LRRC3B: variants seen among roughly 807,000 people sequenced by gnomAD.
LRRC3B encodes leucine rich repeat containing 3B.
In LRRC3B, 2 loss-of-function variants were observed where a neutral mutation model predicts 12.8. The observed-to-expected ratio is 0.16, with a 90% confidence interval of 0.06 to 0.49. LRRC3B has a LOEUF of 0.49. Ranked by LOEUF, LRRC3B falls within the 20% of genes least tolerant of loss-of-function variation. The probability of loss-of-function intolerance (pLI) is 0.96; values close to 1 mark genes in which losing one functional copy is unlikely to be tolerated. For missense variants in LRRC3B, 189 were observed against 319.4 expected (o/e 0.59, Z 3.11); for synonymous variants, 132 against 122.0 (o/e 1.08, Z -0.54).
chr3:26,640,961 A>T (rs189362817), intron 1 of LRRC3B, among the ~76,000 whole-genome samples: 213 of 152,330 alleles, frequency 1.4e-3, no homozygotes, highest in Non-Finnish European at 2.6e-3. Flanking sequence ...CTTATGAATG[A>T]CATAGAATAA....
intron 1 of LRRC3B, among the ~76,000 whole-genome samples, chr3:26,651,526 T>C (rs1016058423): frequency 6.6e-6 from 1 of 152,224 alleles, no homozygotes; most frequent in East Asian, 1.9e-4. Context: ...GAAAATTTAC[T>C]TTATCAATGC....
chr3:26,661,540 C>T (rs914249859), intron 1 of LRRC3B, among the ~76,000 whole-genome samples: 2 of 151,966 alleles, frequency 1.3e-5, no homozygotes, highest in Non-Finnish European at 2.9e-5. Context: ...AAAATGTTTC[C>T]AAGCATTATT....
chr3:26,628,578 C>T (rs1029637484), intron 1 of LRRC3B, among the ~76,000 whole-genome samples: 4 of 151,736 alleles, frequency 2.6e-5, no homozygotes, highest in Admixed American at 6.6e-5. Flanking sequence ...AAGATTGTGA[C>T]TTTGATGAAC....
intron 1 of LRRC3B, among the ~76,000 whole-genome samples, chr3:26,685,903 T>G (rs1475286484): frequency 6.6e-6 from 1 of 152,020 alleles, no homozygotes; most frequent in Non-Finnish European, 1.5e-5. Context: ...TTATGACATC[T>G]TTTTCTGGTG....
chr3:26,657,389 A>G (rs1699393576), intron 1 of LRRC3B, among the ~76,000 whole-genome samples: 1 of 152,192 alleles, frequency 6.6e-6, no homozygotes, highest in South Asian at 2.1e-4. Context: ...AATTATATTC[A>G]ATTTCAAAAT....
chr3:26,638,391 A>C (rs1698947857), intron 1 of LRRC3B, among the ~76,000 whole-genome samples: 1 of 152,128 alleles, frequency 6.6e-6, no homozygotes, highest in Admixed American at 6.5e-5. Flanking sequence ...GAAATGCCAA[A>C]TTTCAATTAA....
intron 1 of LRRC3B, among the ~76,000 whole-genome samples, chr3:26,653,028 T>A (rs1196701261): frequency 6.6e-6 from 1 of 151,308 alleles, no homozygotes; most frequent in East Asian, 1.9e-4. Context: ...GGGATGGAGA[T>A]GACAGTGCCC....
intron 1 of LRRC3B, among the ~76,000 whole-genome samples, chr3:26,638,118 A>G (rs1332826570): frequency 6.6e-6 from 1 of 152,206 alleles, no homozygotes; most frequent in Non-Finnish European, 1.5e-5. Context: ...ATGTCTAAAT[A>G]TCTAGGGTGG....
intron 1 of LRRC3B, among the ~76,000 whole-genome samples, chr3:26,650,539 CAG>C (rs1331295345): frequency 1.3e-5 from 2 of 152,132 alleles, no homozygotes; most frequent in Admixed American, 1.3e-4. Context: ...TAAGCAAGTA[CAG>C]AGAGAATTTG....
At chr3:26,689,436 G>A (rs1276351260) in intron 1 of LRRC3B, among the ~76,000 whole-genome samples, 1 of 152,188 alleles carries the variant, frequency 6.6e-6, no homozygotes, top group East Asian at 1.9e-4. Context: ...CCTTCTGACA[G>A]TGGCCATCCC....
intron 1 of LRRC3B, among the ~76,000 whole-genome samples, chr3:26,705,365 AC>A (rs1158590985): frequency 6.6e-6 from 1 of 151,752 alleles, no homozygotes; most frequent in Non-Finnish European, 1.5e-5. Flanking sequence ...CTTCTGCTTG[AC>A]CCAGACGTAG....
At chr3:26,708,826 T>A (rs1316190079) in intron 1 of LRRC3B, among the ~76,000 whole-genome samples, 1 of 152,172 alleles carries the variant, frequency 6.6e-6, no homozygotes, top group Admixed American at 6.5e-5. Context: ...TAAGCATTTA[T>A]TGGGAAGGGG....
intron 1 of LRRC3B, among the ~76,000 whole-genome samples, chr3:26,651,430 C>T (rs765199241): frequency 2.0e-5 from 3 of 152,158 alleles, no homozygotes; most frequent in South Asian, 2.1e-4. Context: ...AATGAGCACA[C>T]GTGGTGTGTA....
At chr3:26,688,624 C>T (rs532889302) in intron 1 of LRRC3B, among the ~76,000 whole-genome samples, 48 of 152,256 alleles carry the variant, frequency 3.2e-4, no homozygotes, top group Admixed American at 7.9e-4. Flanking sequence ...GGAGATGCCA[C>T]ACACTTTTCA....
intron 1 of LRRC3B, among the ~76,000 whole-genome samples, chr3:26,685,337 T>G (rs1036622985): frequency 5.9e-5 from 9 of 151,772 alleles, no homozygotes; most frequent in Non-Finnish European, 1.2e-4. Context: ...TTGACTTTCT[T>G]GTTTTCTAAA....
chr3:26,692,794 A>G (rs1027252355), intron 1 of LRRC3B, among the ~76,000 whole-genome samples: 2 of 152,226 alleles, frequency 1.3e-5, no homozygotes, highest in African/African-American at 2.4e-5. Flanking sequence ...AGTGGCATTT[A>G]TTATTGCTCA....
intron 1 of LRRC3B, among the ~76,000 whole-genome samples, chr3:26,670,744 TA>T (rs1297329125): frequency 3.3e-5 from 5 of 152,164 alleles, no homozygotes; most frequent in Admixed American, 6.5e-5. Flanking sequence ...TTTCCCCAAG[TA>T]TAATATAGAG....
intron 1 of LRRC3B, among the ~76,000 whole-genome samples, chr3:26,687,020 C>G: frequency 6.6e-6 from 1 of 152,146 alleles, no homozygotes; most frequent in Non-Finnish European, 1.5e-5. Context: ...CTGCTGCCAA[C>G]ACTCCCAGAA....
chr3:26,691,062 C>CAT (rs1038170901), intron 1 of LRRC3B, among the ~76,000 whole-genome samples: 3 of 104,370 alleles, frequency 2.9e-5, no homozygotes, highest in African/African-American at 3.8e-5. Flanking sequence ...TATGTACATA[C>CAT]ATATATATAT....
Sources: allele counts gnomAD v4.1 joint callset (sites outside exome capture counted in the v4.1 genomes callset), GRCh38; gene constraint gnomAD v4.1.1; transcripts MANE v1.5; gene names NCBI Gene and HGNC (gene_info 2026-07-23, HGNC 2026-07-21).